FAM168A: variants seen among roughly 807,000 people sequenced by gnomAD.
FAM168A encodes the protein family with sequence similarity 168 member A, also known as protein FAM168A.
FAM168A carries 3 observed loss-of-function variants against 28.5 expected under a neutral mutation model. The observed-to-expected ratio is 0.11, with a 90% CI of 0.05 to 0.27. The LOEUF is 0.27. FAM168A is among the 10% of genes least tolerant of loss of function. FAM168A has a pLI of 1.00. For missense variants in FAM168A, 222 were observed against 311.5 expected, an observed-to-expected ratio of 0.71 and a Z score of 2.16; for synonymous variants, 122 against 124.2, an observed-to-expected ratio of 0.98 and a Z score of 0.12.
rs57881386 is a variant in FAM168A, at chr11:73,544,984, T to A, written c.-19+52939A>T. On this transcript the variant is annotated intron_variant, in intron 1 of 7. Transcript: ENST00000356467. ...ATATAATATATATTATATAATATAT[T>A]TTATATATAGTATATATAATATACT... 6.5e-4 allele frequency among the ~76,000 whole-genome samples: 45 copies of A among 68,886 alleles called. 2 individuals carry two copies. Among genetic ancestry groups the A allele is most frequent in the East Asian group, 1.9e-3 (7 of 3,686 alleles). The allele number at this position is 68,886 out of a possible 152,430, so 45.2% of individuals were successfully genotyped here.
chr11:73,597,506 C>A lies in FAM168A; in HGVS notation c.-19+417G>T, dbSNP rs534892122. ...TGAAATCATTCCCCTGCCCCTCACC[C>A]CAGCTCAGATCCCAAGCTGTCAACT... On this transcript the variant is annotated intron_variant, in intron 1 of 7. Coordinates refer to ENST00000356467, the MANE Select transcript of FAM168A (RefSeq NM_015159.3). Among the ~76,000 whole-genome samples, 8 of 152,120 alleles carry A rather than the reference C, an allele frequency of 5.3e-5. No homozygotes were observed. The South Asian group carries it at 1.5e-3, about 28-fold the overall frequency.
At chr11:73,414,632 G>C (rs1317607986) in intron 4 of FAM168A, among the ~76,000 whole-genome samples, 1 of 152,192 alleles carries the variant, frequency 6.6e-6, no homozygotes, top group Non-Finnish European at 1.5e-5. Flanking sequence ...ACTTCATTGT[G>C]ATAAATACAT....
chr11:73,496,345 A>T (rs898767570), intron 1 of FAM168A, among the ~76,000 whole-genome samples: 1 of 152,226 alleles, frequency 6.6e-6, no homozygotes, highest in Non-Finnish European at 1.5e-5. Context: ...CAACGGATAT[A>T]TTAGGTTGGT....
intron 1 of FAM168A, among the ~76,000 whole-genome samples, chr11:73,560,446 C>T (rs939238533): frequency 4.6e-5 from 7 of 152,070 alleles, no homozygotes; most frequent in African/African-American, 1.7e-4. Context: ...AAAAAAAATA[C>T]TGAGAAAAGT....
At chr11:73,407,394 G>A (rs1866525516) in intron 7 of FAM168A, 119 bp downstream of exon 7, 4 of 575,362 alleles carry the variant, frequency 7.0e-6, no homozygotes, top group Non-Finnish European at 1.2e-5. Context: ...AAAGCAACTG[G>A]TAACTTGACA....
Position 73,557,070 on chromosome 11 carries a change from C to T in FAM168A, c.-19+40853G>A, listed in dbSNP as rs369745193. Among the ~76,000 whole-genome samples the T allele has an allele frequency of 3.3e-5, 5 of 151,810 alleles. No individual in the cohort carries two copies. In the Middle Eastern group the frequency reaches 0.01, roughly 310 times the overall value. ...AAAAAAGCAATGGGAAATTCACAACCGCCAAAAGGTGGAAGCAACTCAAGT... is the reference window on the plus strand; with the variant it reads ...AAAAAAGCAATGGGAAATTCACAACTGCCAAAAGGTGGAAGCAACTCAAGT... On this transcript the variant is annotated intron_variant, in intron 1 of 7. Transcript: ENST00000356467.
At chr11:73,419,604 G>C (rs1053717895) in intron 4 of FAM168A, among the ~76,000 whole-genome samples, 11 of 152,184 alleles carry the variant, frequency 7.2e-5, no homozygotes, top group African/African-American at 2.7e-4. Flanking sequence ...CTAAAATGCA[G>C]TAACAGTCCT....
In FAM168A at chr11:73,586,098, T is replaced by A. The variant is rs1219557461; in HGVS notation, c.-19+11825A>T. On this transcript the variant is annotated intron_variant, in intron 1 of 7. Coordinates refer to ENST00000356467, the MANE Select transcript of FAM168A (RefSeq NM_015159.3). ...TACTAAGCCCCTGCTAAGTTCCAAG[T>A]ATCAGGGATATACAAATAATCAGTG... 3.9e-5 allele frequency among the ~76,000 whole-genome samples: 6 copies of A among 152,120 alleles called. No individual in the cohort carries two copies. In the East Asian group the frequency reaches 1.2e-3, roughly 29 times the overall value.
At chr11:73,511,280 C>A (rs1043213129) in intron 1 of FAM168A, among the ~76,000 whole-genome samples, 6 of 151,870 alleles carry the variant, frequency 4.0e-5, no homozygotes, top group Admixed American at 2.0e-4. Flanking sequence ...CTCTGTCGCC[C>A]AGGCTGGAGT....
intron 1 of FAM168A, among the ~76,000 whole-genome samples, chr11:73,503,286 A>T (rs943154855): frequency 6.6e-6 from 1 of 152,240 alleles, no homozygotes; most frequent in African/African-American, 2.4e-5. Context: ...TTGAACTGAT[A>T]AGCAACTTCA....
At chr11:73,437,400 C>CT (rs747204512) in intron 2 of FAM168A, among the ~76,000 whole-genome samples, 14,212 of 103,476 alleles carry the variant, frequency 0.14, 1,510 homozygotes, top group South Asian at 0.24. Flanking sequence ...CCCGGCCACT[C>CT]TTTTTTTTTT....
intron 2 of FAM168A, among the ~76,000 whole-genome samples, chr11:73,451,027 G>A (rs7945984): frequency 0.062 from 9,455 of 152,202 alleles, 873 homozygotes; most frequent in African/African-American, 0.2. Context: ...GGATGGAGAC[G>A]AGTGTGTGCA....
intron 1 of FAM168A, among the ~76,000 whole-genome samples, chr11:73,545,027 A>ATATAATATATTTTAT (rs57233496): frequency 1.5e-4 from 12 of 77,442 alleles, no homozygotes; most frequent in Admixed American, 6.6e-4. Flanking sequence ...TAGTATATAT[A>ATATAATATATTTTAT]ATATATATAT....
At chr11:73,541,302 G>A (rs1187183860) in intron 1 of FAM168A, among the ~76,000 whole-genome samples, 3 of 151,990 alleles carry the variant, frequency 2.0e-5, no homozygotes, top group Non-Finnish European at 4.4e-5. Flanking sequence ...CAGGCTTTGA[G>A]ATCAGGCAGA....
At chr11:73,456,009 AC>A (rs894742059) in intron 2 of FAM168A, among the ~76,000 whole-genome samples, 1 of 152,226 alleles carries the variant, frequency 6.6e-6, no homozygotes, top group African/African-American at 2.4e-5. Flanking sequence ...AGCCAGGCAA[AC>A]TGTAAGGGAA....
chr11:73,484,534 ATC>A (rs1868014822), intron 1 of FAM168A, among the ~76,000 whole-genome samples: 2 of 146,160 alleles, frequency 1.4e-5, no homozygotes, highest in African/African-American at 5.0e-5. Flanking sequence ...ATATCTATAT[ATC>A]TATATATCTA....
At chr11:73,443,136 C>G (rs1383421222) in intron 2 of FAM168A, among the ~76,000 whole-genome samples, 3 of 151,586 alleles carry the variant, frequency 2.0e-5, no homozygotes, top group African/African-American at 7.3e-5. Context: ...TATCCTACAA[C>G]CTTTCTTAGC....
intron 1 of FAM168A, among the ~76,000 whole-genome samples, chr11:73,521,134 T>A (rs1943369708): frequency 6.6e-6 from 1 of 152,248 alleles, no homozygotes; most frequent in Admixed American, 6.5e-5. Context: ...TATAGCCTTA[T>A]AATTTGACAG....
At chr11:73,494,724 A>T (rs1187834116) in intron 1 of FAM168A, among the ~76,000 whole-genome samples, 1 of 152,154 alleles carries the variant, frequency 6.6e-6, no homozygotes, top group Non-Finnish European at 1.5e-5. Flanking sequence ...ACACTTTTAG[A>T]AGAAGTTAGG....
Sources: gnomAD v4.1 joint callset for allele counts (sites outside exome capture counted in the v4.1 genomes callset) on GRCh38, gnomAD v4.1.1 for gene constraint, MANE v1.5 for transcripts, NCBI Gene and HGNC (gene_info 2026-07-23, HGNC 2026-07-21) for gene names.